CHN2: variants seen among roughly 807,000 people sequenced by gnomAD.
CHN2 encodes chimerin 2.
CHN2 carries 35 observed loss-of-function variants against 56.3 expected under a neutral mutation model. The ratio of observed to expected loss-of-function variants is 0.62; its 90% CI spans 0.47 to 0.82. The LOEUF (loss-of-function observed/expected upper bound fraction) is 0.82, where lower values mean the gene tolerates loss of function less well. CHN2 is among the 40% of genes least tolerant of loss of function. The probability of loss-of-function intolerance (pLI) is 0.00; values close to 1 mark genes in which losing one functional copy is unlikely to be tolerated. For missense variants in CHN2, 491 were observed against 580.5 expected, an observed-to-expected ratio of 0.85 and a Z score of 1.58; for synonymous variants, 210 against 212.8, an observed-to-expected ratio of 0.99 and a Z score of 0.12.
intron 2 of CHN2, among the ~76,000 whole-genome samples, chr7:29,159,289 A>C (rs1794854272): frequency 1.3e-5 from 2 of 152,178 alleles, no homozygotes. Context: ...GTGGTTTTCC[A>C]CTATCCACAG....
At chr7:29,264,115 G>T (rs1261766315) in intron 1 of CHN2, among the ~76,000 whole-genome samples, 1 of 147,336 alleles carries the variant, frequency 6.8e-6, no homozygotes, top group African/African-American at 2.4e-5. Flanking sequence ...CGTCTGGGAA[G>T]TGAGGAGCCC....
intron 6 of CHN2, among the ~76,000 whole-genome samples, chr7:29,459,901 A>G (rs1046589668): frequency 2.6e-5 from 4 of 152,228 alleles, no homozygotes; most frequent in African/African-American, 9.6e-5. Flanking sequence ...AAAGAGGAGC[A>G]GGACGGGGAG....
intron 1 of CHN2, among the ~76,000 whole-genome samples, chr7:29,342,865 A>G (rs1450455916): frequency 6.6e-6 from 1 of 152,256 alleles, no homozygotes; most frequent in Non-Finnish European, 1.5e-5. Context: ...GTTAGTGCTC[A>G]TTGGATGAAT....
chr7:29,259,671 T>C (rs188973551), intron 1 of CHN2, among the ~76,000 whole-genome samples: 1 of 152,304 alleles, frequency 6.6e-6, no homozygotes, highest in Non-Finnish European at 1.5e-5. Context: ...ATTAATACTG[T>C]ATTGTATACT....
At chr7:29,312,245 C>A (rs1339009834) in intron 1 of CHN2, among the ~76,000 whole-genome samples, 7 of 151,720 alleles carry the variant, frequency 4.6e-5, no homozygotes, top group Non-Finnish European at 1.0e-4. Context: ...TTTTTTTCTG[C>A]TTTGCTCCAC....
At chr7:29,445,691 GTTCTTGTTTTTTT>G (rs1783983794) in intron 6 of CHN2, among the ~76,000 whole-genome samples, 1 of 151,634 alleles carries the variant, frequency 6.6e-6, no homozygotes, top group Admixed American at 6.6e-5. Flanking sequence ...TTTGTTGGGG[GTTCTTGTTTTTTT>G]TTCTTGTTAA....
At chr7:29,273,377 A>ATG (rs1790898309) in intron 1 of CHN2, among the ~76,000 whole-genome samples, 2 of 52,406 alleles carry the variant, frequency 3.8e-5, no homozygotes, top group Non-Finnish European at 6.8e-5. Flanking sequence ...ATATATATAT[A>ATG]TATATATATA....
chr7:29,420,335 G>A (rs1325062257), intron 6 of CHN2, among the ~76,000 whole-genome samples: 1 of 152,322 alleles, frequency 6.6e-6, no homozygotes, highest in Admixed American at 6.5e-5. Flanking sequence ...GTTCATAACA[G>A]TATTATTCTC....
chr7:29,362,660 A>C (rs961313686), intron 2 of CHN2, among the ~76,000 whole-genome samples: 7 of 152,134 alleles, frequency 4.6e-5, no homozygotes, highest in African/African-American at 1.7e-4. Context: ...CTTTCCCTGC[A>C]GTTCCTCTTT....
chr7:29,291,714 A>G (rs79298432), intron 1 of CHN2, among the ~76,000 whole-genome samples: 4,332 of 152,288 alleles, frequency 0.028, 96 homozygotes, highest in Middle Eastern at 0.044. Context: ...TCTTGTGGCT[A>G]AAGCTTTGCA....
intron 4 of CHN2, chr7:29,397,601 G>C (rs1206633177): frequency 6.6e-6 from 1 of 152,058 alleles, no homozygotes; most frequent in East Asian, 1.9e-4. Flanking sequence ...TTTACTTAAA[G>C]GCAACAGGGA....
intron 7 of CHN2, among the ~76,000 whole-genome samples, chr7:29,495,188 T>G (rs888055720): frequency 1.3e-5 from 2 of 152,160 alleles, no homozygotes; most frequent in African/African-American, 4.8e-5. Context: ...TTTGTTTTGT[T>G]TTCATTTTAA....
At chr7:29,195,629 A>AGAGG (rs869037854) in intron 1 of CHN2, among the ~76,000 whole-genome samples, 17 of 117,504 alleles carry the variant, frequency 1.4e-4, no homozygotes, top group African/African-American at 5.8e-4. Context: ...AGAGAGAGAG[A>AGAGG]GTGTGTGTGT....
At chr7:29,512,125 T>A (rs1177603426) in intron 12 of CHN2, among the ~76,000 whole-genome samples, 1 of 151,576 alleles carries the variant, frequency 6.6e-6, no homozygotes, top group Non-Finnish European at 1.5e-5. Context: ...CAGAGAGGGA[T>A]CCTGCCCTTC....
chr7:29,472,423 A>G (rs891457184), intron 6 of CHN2, among the ~76,000 whole-genome samples: 7 of 151,404 alleles, frequency 4.6e-5, no homozygotes, highest in Admixed American at 6.6e-5. Flanking sequence ...TAGATTTCCC[A>G]CACCATCCAG....
chr7:29,251,648 G>A (rs1237094282), intron 1 of CHN2, among the ~76,000 whole-genome samples: 1 of 152,032 alleles, frequency 6.6e-6, no homozygotes, highest in Non-Finnish European at 1.5e-5. Flanking sequence ...GAGAGAATAA[G>A]ATAATTCAGA....
At chr7:29,249,642 T>C (rs946522421) in intron 1 of CHN2, among the ~76,000 whole-genome samples, 1 of 152,262 alleles carries the variant, frequency 6.6e-6, no homozygotes, top group African/African-American at 2.4e-5. Context: ...TTTGTCTTTT[T>C]CCTGCTGGAT....
chr7:29,318,486 A>G (rs1449978942), intron 1 of CHN2, among the ~76,000 whole-genome samples: 1 of 152,186 alleles, frequency 6.6e-6, no homozygotes, highest in Admixed American at 6.5e-5. Context: ...GAATTCATCC[A>G]GGCCTGAGGG....
chr7:29,320,888 A>T (rs1441887928), intron 1 of CHN2, among the ~76,000 whole-genome samples: 3 of 152,164 alleles, frequency 2.0e-5, no homozygotes, highest in African/African-American at 7.2e-5. Flanking sequence ...AGGCATAGAG[A>T]CCACATGGGT....
Sources: allele counts gnomAD v4.1 joint callset (sites outside exome capture counted in the v4.1 genomes callset), GRCh38; gene constraint gnomAD v4.1.1; transcripts MANE v1.5; gene names NCBI Gene and HGNC (gene_info 2026-07-23, HGNC 2026-07-21).